Variants in FRMD3 observed in about 807,000 individuals in gnomAD.
FRMD3 encodes the protein FERM domain-containing protein 3.
In FRMD3, 33 loss-of-function variants were observed where a neutral mutation model predicts 70.2. The ratio of observed to expected loss-of-function variants is 0.47; its 90% CI spans 0.36 to 0.63. The LOEUF (loss-of-function observed/expected upper bound fraction) is 0.63, where lower values mean the gene tolerates loss of function less well. FRMD3 is among the 20% of genes least tolerant of loss of function. The pLI is 0.00. For synonymous variants in FRMD3, 279 were observed against 255.9 expected (o/e 1.09, Z -0.86); for missense variants, 632 against 711.4 (o/e 0.89, Z 1.27).
intron 1 of FRMD3, among the ~76,000 whole-genome samples, chr9:83,435,330 G>A (rs1190524034): frequency 2.0e-5 from 3 of 152,134 alleles, no homozygotes; most frequent in East Asian, 3.9e-4. Context: ...GGAAAAGGGA[G>A]GATCTCATGA....
intron 1 of FRMD3, among the ~76,000 whole-genome samples, chr9:83,453,861 G>A (rs11140098): frequency 0.23 from 34,128 of 151,574 alleles, 3,948 homozygotes; most frequent in Non-Finnish European, 0.26. Flanking sequence ...GACTACAGGC[G>A]TCTGCCACCA....
rs1835270973 is a variant in FRMD3 at position 83,309,538 on chromosome 9, A to C, written c.924T>G (p.Tyr308Ter). ...WKCGVENQAFYKYAKSSQIKT... is the reference protein window; with the variant it reads ...WKCGVENQAF ...TTAAATGAATAAAAGCCACTTACTTATAAAAGGCCTGGTTTTCCACTCCAC... is the reference window on the plus strand; with the variant it reads ...TTAAATGAATAAAAGCCACTTACTTCTAAAAGGCCTGGTTTTCCACTCCAC... The change falls in exon 10 of 14, where the codon TAT becomes TAG. Residue 308 changes from tyrosine (Y) to a stop codon, truncating the protein, a stop_gained and splice_region_variant. Transcript: ENST00000304195. LOFTEE classifies it high-confidence loss of function. 1.3e-6 allele frequency: 2 copies of C among 1,577,572 alleles called. No homozygotes were observed. The highest frequency in any genetic ancestry group is 1.7e-6 in the Non-Finnish European group (2 of 1,160,672).
chr9:83,272,042 T>C (rs1175513715), intron 13 of FRMD3, among the ~76,000 whole-genome samples: 1 of 152,126 alleles, frequency 6.6e-6, no homozygotes, highest in Non-Finnish European at 1.5e-5. Context: ...TTGCTCTTGT[T>C]AAGTCACTGC....
At chr9:83,568,770 A>T in the FRMD3 span, among the ~76,000 whole-genome samples, 20 of 152,314 alleles carry the variant, frequency 1.3e-4, no homozygotes, top group African/African-American at 4.3e-4. Context: ...AATAAGTAAG[A>T]GTAAATTTCA....
intron 1 of FRMD3, among the ~76,000 whole-genome samples, chr9:83,483,612 C>T (rs1828619122): frequency 6.6e-6 from 1 of 152,152 alleles, no homozygotes; most frequent in African/African-American, 2.4e-5. Flanking sequence ...GGATATGGCA[C>T]TTTGAGAGAC....
At chr9:83,402,821 C>T (rs1169485289) in intron 1 of FRMD3, among the ~76,000 whole-genome samples, 1 of 151,676 alleles carries the variant, frequency 6.6e-6, no homozygotes, top group East Asian at 1.9e-4. Flanking sequence ...TAACACTCCC[C>T]AAAAGCTCTT....
At chr9:83,288,099 G>GTGCA (rs1453454358) in intron 13 of FRMD3, among the ~76,000 whole-genome samples, 1 of 152,202 alleles carries the variant, frequency 6.6e-6, no homozygotes, top group African/African-American at 2.4e-5. Flanking sequence ...ATTCTTCATA[G>GTGCA]TGCATGCACT....
chr9:83,533,194 G>C (rs1366733704), intron 1 of FRMD3, among the ~76,000 whole-genome samples: 4 of 152,156 alleles, frequency 2.6e-5, no homozygotes, highest in African/African-American at 9.7e-5. Flanking sequence ...CCTGGGTTCT[G>C]ATCCACTTAT....
intron 1 of FRMD3, among the ~76,000 whole-genome samples, chr9:83,489,845 T>A (rs990813343): frequency 2.6e-4 from 40 of 152,198 alleles, no homozygotes; most frequent in Non-Finnish European, 1.5e-4. Flanking sequence ...TCAATCAATA[T>A]GGCAACCAGT....
intron 13 of FRMD3, among the ~76,000 whole-genome samples, chr9:83,270,820 C>T (rs1274059920): frequency 6.6e-6 from 1 of 150,444 alleles, no homozygotes; most frequent in Non-Finnish European, 1.5e-5. Flanking sequence ...TAAATGTTAG[C>T]GATTTTTTTT....
At chr9:83,257,443 G>A (rs1832763984) in intron 13 of FRMD3, among the ~76,000 whole-genome samples, 1 of 152,060 alleles carries the variant, frequency 6.6e-6, no homozygotes, top group African/African-American at 2.4e-5. Context: ...GACCTGTGTA[G>A]CAAACCACCA....
At chr9:83,281,597 A>G (rs1833973002) in intron 13 of FRMD3, 1 of 152,264 alleles carries the variant, frequency 6.6e-6, no homozygotes, top group Non-Finnish European at 1.5e-5. Flanking sequence ...AATTGCTTCC[A>G]CGAAGACAGC....
At chr9:83,332,362 G>GTC (rs139408184) in intron 6 of FRMD3, among the ~76,000 whole-genome samples, 15 of 150,572 alleles carry the variant, frequency 1.0e-4, no homozygotes, top group East Asian at 7.8e-4. Context: ...GGAAGAGTCA[G>GTC]TCTCTCTCTC....
At chr9:83,547,036 T>C in the FRMD3 span, among the ~76,000 whole-genome samples, 5 of 151,366 alleles carry the variant, frequency 3.3e-5, no homozygotes, top group East Asian at 9.7e-4. Context: ...TCTGTGCAAA[T>C]GGAAATCAAA....
intron 2 of FRMD3, among the ~76,000 whole-genome samples, chr9:83,383,061 A>G (rs1825405894): frequency 6.6e-6 from 1 of 152,164 alleles, no homozygotes. Context: ...CCTGCTGGAG[A>G]GGTCATCTGG....
intron 1 of FRMD3, among the ~76,000 whole-genome samples, chr9:83,431,993 C>A (rs1826991110): frequency 6.6e-6 from 1 of 152,172 alleles, no homozygotes; most frequent in African/African-American, 2.4e-5. Context: ...CAGAAGGAAC[C>A]CGTGGCAGCT....
intron 12 of FRMD3, among the ~76,000 whole-genome samples, chr9:83,294,646 G>A (rs1466913822): frequency 1.3e-5 from 2 of 152,180 alleles, no homozygotes; most frequent in African/African-American, 2.4e-5. Context: ...ATTTGCAGAT[G>A]AGAAAACTGA....
chr9:83,320,730 C>A (rs539285381), intron 6 of FRMD3, among the ~76,000 whole-genome samples: 63 of 152,196 alleles, frequency 4.1e-4, no homozygotes, highest in African/African-American at 1.4e-3. Flanking sequence ...TTTTTTAGAA[C>A]AGTTTCAGGA....
At chr9:83,326,340 T>A (rs922218707) in intron 6 of FRMD3, among the ~76,000 whole-genome samples, 63 of 152,130 alleles carry the variant, frequency 4.1e-4, no homozygotes, top group African/African-American at 1.5e-3. Context: ...TCAAGCAGGA[T>A]GTCGAGATAT....
Sources: gnomAD v4.1 joint callset for allele counts (sites outside exome capture counted in the v4.1 genomes callset) on GRCh38, gnomAD v4.1.1 for gene constraint, MANE v1.5 for transcripts, NCBI Gene and HGNC (gene_info 2026-07-23, HGNC 2026-07-21) for gene names.